NPR3: variants seen among roughly 807,000 people sequenced by gnomAD.
The protein encoded by NPR3 is atrial natriuretic peptide receptor 3.
Under a neutral mutation model 54.5 loss-of-function variants are expected in NPR3, and 34 were observed. That is an observed-to-expected ratio of 0.62 (90% CI 0.47 to 0.83). The LOEUF (loss-of-function observed/expected upper bound fraction) is 0.83, where lower values mean the gene tolerates loss of function less well. Among genes scored for constraint, NPR3 ranks in the 40% least tolerant of loss-of-function variants. The probability of loss-of-function intolerance (pLI) is 0.00; values close to 1 mark genes in which losing one functional copy is unlikely to be tolerated. For synonymous variants in NPR3, 289 were observed against 297.1 expected (o/e 0.97, Z 0.28); for missense variants, 674 against 720.8 (o/e 0.94, Z 0.74).
chr5:32,707,352 T>TTA (rs1738023414), upstream of NPR3, among the ~76,000 whole-genome samples: 1 of 152,068 alleles, frequency 6.6e-6, no homozygotes, highest in South Asian at 2.1e-4. Context: ...AATAATAGAT[T>TTA]TATATAATAG....
At chr5:32,710,515 A>G (rs930368165), upstream of NPR3, 2 of 870,032 alleles carry the variant, frequency 2.3e-6, no homozygotes, top group Admixed American at 4.1e-5. Context: ...GTGCGCTGAC[A>G]GAGGGTCCGT....
chr5:32,777,732 A>G (rs1312482054), intron 4 of NPR3, among the ~76,000 whole-genome samples: 2 of 152,278 alleles, frequency 1.3e-5, no homozygotes, highest in East Asian at 3.9e-4. Flanking sequence ...GTCTTACTCA[A>G]AACCAGAGTG....
rs772949649 is a variant in NPR3 at position 32,712,429 on chromosome 5, A to AG, written c.658dup (p.Val220GlyfsTer36). The AG allele has an allele frequency of 1.2e-6, 2 of 1,612,748 alleles. No individual in the cohort carries two copies. Reference sequence around the variant, plus strand: ...GAGCGGAACTGCTACTTCACCCTCGAGGGGGTCCACGAGGTCTTCCAGGAG... The same window carrying AG: ...GAGCGGAACTGCTACTTCACCCTCGAGGGGGGTCCACGAGGTCTTCCAGGAG... On this transcript the variant is annotated frameshift_variant, in exon 1 of 8. Coordinates refer to ENST00000265074, the MANE Select transcript of NPR3 (RefSeq NM_001204375.2). LOFTEE classifies it high-confidence loss of function.
Position 32,711,830 on chromosome 5 carries a change from G to T in NPR3, c.54G>T (p.Ala18=), listed in dbSNP as rs1252696187. ...TFSPCVLLGW[A]LLAGGTGGGG... ...CCCCGTGCGTACTACTCGGCTGGGC[G>T]TTGCTGGCCGGCGGCACCGGTGGCG... Residue 18 remains alanine (A), a synonymous_variant, in exon 1 of 8, where the codon GCG becomes GCT. Transcript: ENST00000265074. 2.7e-6 allele frequency: 4 copies of T among 1,458,736 alleles called. No homozygotes were observed. Among genetic ancestry groups the T allele is most frequent in the African/African-American group, 1.4e-5 (1 of 69,120 alleles). The allele number at this position is 1,458,736 out of a possible 1,614,324, so 90.4% of individuals were successfully genotyped here.
chr5:32,742,816 A>T (rs561243962), intron 3 of NPR3, among the ~76,000 whole-genome samples: 1 of 152,294 alleles, frequency 6.6e-6, no homozygotes, highest in East Asian at 1.9e-4. Context: ...GATAACTGAA[A>T]CAAAAATAGC....
chr5:32,735,664 A>T (rs1449686214), intron 2 of NPR3, among the ~76,000 whole-genome samples: 1 of 152,036 alleles, frequency 6.6e-6, no homozygotes, highest in African/African-American at 2.4e-5. Context: ...GCTGATTCTC[A>T]TCATATCACT....
chr5:32,729,191 G>A (rs930280836), intron 2 of NPR3, among the ~76,000 whole-genome samples: 1 of 151,266 alleles, frequency 6.6e-6, no homozygotes, highest in Non-Finnish European at 1.5e-5. Context: ...CACTACGCCC[G>A]GCTAATTTTT....
At chr5:32,730,088 G>T (rs1002590046) in intron 2 of NPR3, among the ~76,000 whole-genome samples, 1 of 151,564 alleles carries the variant, frequency 6.6e-6, no homozygotes, top group African/African-American at 2.4e-5. Flanking sequence ...TCATGACTTT[G>T]ACACTTAAAA....
chr5:32,753,537 G>A (rs1161622323), intron 3 of NPR3, among the ~76,000 whole-genome samples: 3 of 150,018 alleles, frequency 2.0e-5, no homozygotes, highest in Non-Finnish European at 1.5e-5. Context: ...AGGCAAAACT[G>A]TAGAGGATAA....
At chr5:32,779,409 C>G (rs1742224661) in intron 4 of NPR3, among the ~76,000 whole-genome samples, 1 of 152,192 alleles carries the variant, frequency 6.6e-6, no homozygotes, top group Non-Finnish European at 1.5e-5. Flanking sequence ...GATATATTTG[C>G]TTTTATTGAT....
In NPR3 at chr5:32,711,821, C is replaced by T. The variant is rs1320559512; in HGVS notation, c.45C>T (p.Leu15=). 2.1e-6 allele frequency: 3 copies of T among 1,457,646 alleles called. No homozygotes were observed. Among genetic ancestry groups the T allele is most frequent in the Non-Finnish European group, 1.8e-6 (2 of 1,106,418 alleles). The allele number at this position is 1,457,646 out of a possible 1,614,324, so 90.3% of individuals were successfully genotyped here. The stretch of plus-strand genomic sequence containing the variant: ...TCACTTTCTCCCCGTGCGTACTACT[C>T]GGCTGGGCGTTGCTGGCCGGCGGCA... ...LVLTFSPCVL[L]GWALLAGGTG... The change falls in exon 1 of 8, where the codon CTC becomes CTT. Residue 15 remains leucine (L), a synonymous_variant. Transcript: ENST00000265074.
intron 3 of NPR3, among the ~76,000 whole-genome samples, chr5:32,773,124 G>A (rs745659808): frequency 7.2e-5 from 11 of 152,136 alleles, no homozygotes; most frequent in East Asian, 1.9e-4. Flanking sequence ...GAGATGGGGC[G>A]GGTAGCAGGT....
chr5:32,736,684 T>C (rs1456069374), intron 2 of NPR3, among the ~76,000 whole-genome samples: 1 of 152,202 alleles, frequency 6.6e-6, no homozygotes. Context: ...TGTATCTTGG[T>C]GATGGAGCAT....
chr5:32,693,777 T>G (rs540368578), intron 1 of NPR3, among the ~76,000 whole-genome samples: 7 of 152,340 alleles, frequency 4.6e-5, no homozygotes, highest in Admixed American at 3.3e-4. Context: ...AATAAGAGCA[T>G]TAAGCCCTGG....
chr5:32,706,436 G>A (rs535784459), upstream of NPR3, among the ~76,000 whole-genome samples: 24 of 152,354 alleles, frequency 1.6e-4, no homozygotes, highest in South Asian at 2.9e-3. Context: ...TGGCTACCAA[G>A]AGGTGGAAGT....
At chr5:32,738,771 G>A in intron 2 of NPR3, 93 bp from the exon 3 acceptor site, 1 of 1,129,152 alleles carries the variant, frequency 8.9e-7, no homozygotes. Flanking sequence ...GTTGCCAAAA[G>A]TAACATGCGG....
intron 2 of NPR3, among the ~76,000 whole-genome samples, chr5:32,737,169 C>T (rs1454873613): frequency 6.6e-6 from 1 of 152,190 alleles, no homozygotes; most frequent in Non-Finnish European, 1.5e-5. Flanking sequence ...AATGCCTCTT[C>T]CTCACATGCA....
chr5:32,742,290 T>C (rs898736538), intron 3 of NPR3, among the ~76,000 whole-genome samples: 13 of 152,122 alleles, frequency 8.5e-5, no homozygotes, highest in African/African-American at 3.1e-4. Flanking sequence ...GTTTTGTTTC[T>C]TTTAAATTCT....
Position 32,789,133 on chromosome 5 carries a change from G to A in NPR3, c.*2788G>A, listed in dbSNP as rs1468553711. 2.0e-5 allele frequency: 4 copies of A among 199,090 alleles called. No homozygotes were observed. In the East Asian group the frequency reaches 4.8e-4, roughly 24 times the overall value. The allele number at this position is 199,090 out of a possible 1,614,324, so 12.3% of individuals were successfully genotyped here. ...CTATAGGATTTTACCCTGAAATCCA[G>A]GGTGTTCAGATTTCAAAAAGGATAA... On this transcript the variant is annotated 3_prime_UTR_variant, in exon 8 of 8. Coordinates refer to ENST00000265074, the MANE Select transcript of NPR3 (RefSeq NM_001204375.2).
Sources: gnomAD v4.1 joint callset for allele counts (sites outside exome capture counted in the v4.1 genomes callset) on GRCh38, gnomAD v4.1.1 for gene constraint, MANE v1.5 for transcripts, NCBI Gene and HGNC (gene_info 2026-07-23, HGNC 2026-07-21) for gene names.